Variants in SH3BP2 observed in about 807,000 individuals in gnomAD.
SH3BP2 encodes SH3 domain binding protein 2.
A neutral mutation model predicts 56.2 loss-of-function variants in SH3BP2; 38 were observed. The observed-to-expected ratio is 0.68, with a 90% CI of 0.52 to 0.89. SH3BP2 has a LOEUF of 0.89. Among genes scored for constraint, SH3BP2 ranks in the 40% least tolerant of loss-of-function variants. The probability of loss-of-function intolerance (pLI) is 0.00; values close to 1 mark genes in which losing one functional copy is unlikely to be tolerated. For missense variants in SH3BP2, 748 were observed against 762.6 expected, an observed-to-expected ratio of 0.98 and a Z score of 0.23; for synonymous variants, 346 against 316.7, an observed-to-expected ratio of 1.09 and a Z score of -0.98.
intron 2 of SH3BP2, 74 bp downstream of exon 2, chr4:2,820,827 C>T (rs1441474729): frequency 2.7e-6 from 4 of 1,458,224 alleles, no homozygotes; most frequent in Admixed American, 4.2e-5. Flanking sequence ...TAAGCATCCT[C>T]TCCAAGCCTC....
intron 1 of SH3BP2, 70 bp from the exon 2 acceptor site, chr4:2,820,544 C>G: frequency 1.9e-6 from 3 of 1,599,434 alleles, no homozygotes; most frequent in Non-Finnish European, 2.6e-6. Context: ...CAGTGTCCCC[C>G]TGAGCGCCCT....
In SH3BP2 at chr4:2,831,806, G is replaced by A; in HGVS notation, c.1351-117G>A. 1 of 1,376,160 alleles carries A rather than the reference G, an allele frequency of 7.3e-7. No individual in the cohort carries two copies. The highest frequency in any genetic ancestry group is 1.0e-6 in the Non-Finnish European group (1 of 984,174). 85.2% of individuals were successfully genotyped at this position (1,376,160 alleles called of 1,614,324 possible). ...GACCCCCCGAGAACCCGGGAGCCTAGGGGGACACAGCACCATGTAAAGCCC... is the reference window on the plus strand; with the variant it reads ...GACCCCCCGAGAACCCGGGAGCCTAAGGGGACACAGCACCATGTAAAGCCC... On this transcript the variant is annotated intron_variant, in intron 9 of 12. Coordinates refer to ENST00000503393, the MANE Select transcript of SH3BP2 (RefSeq NM_001122681.2). The surrounding 1 kb of genome is among the most constrained non-coding windows in gnomAD (Gnocchi z 4.1).
At chr4:2,832,705 C>T (rs764879771) in intron 11 of SH3BP2, among the ~76,000 whole-genome samples, 7 of 152,314 alleles carry the variant, frequency 4.6e-5, no homozygotes, top group African/African-American at 7.2e-5. Context: ...CAGGTCTGCC[C>T]GTGTCCCTCC....
At position 2,834,810 on chromosome 4, in the gene SH3BP2, G is replaced by C. The variant is rs1725173467; in HGVS notation, c.*976G>C. The C allele has an allele frequency of 6.6e-6, 1 of 152,362 alleles. No homozygotes were observed. The highest frequency in any genetic ancestry group is 2.1e-4 in the South Asian group (1 of 4,840). The allele number at this position is 152,362 out of a possible 1,614,324, so 9.4% of individuals were successfully genotyped here. A position where few individuals can be genotyped will look rare whatever the true frequency, so the allele number is the denominator to read the frequency against. ...TCACAGCCCAGTCTGGGGACAGCTG[G>C]GTATGAGGTGCTTACGGCACAGTGT... On this transcript the variant is annotated 3_prime_UTR_variant, in exon 13 of 13. Coordinates refer to ENST00000503393, the MANE Select transcript of SH3BP2 (RefSeq NM_001122681.2).
chr4:2,816,221 G>A (rs1373640055), intron 1 of SH3BP2, among the ~76,000 whole-genome samples: 1 of 151,992 alleles, frequency 6.6e-6, no homozygotes, highest in Non-Finnish European at 1.5e-5. Context: ...GGTATTTTTA[G>A]TAGAAATGGG....
At chr4:2,819,016 C>G in intron 1 of SH3BP2, 1 of 447,726 alleles carries the variant, frequency 2.2e-6, no homozygotes, top group Non-Finnish European at 3.0e-6. Flanking sequence ...TTACTGCCTC[C>G]TGGAACTCCT....
At chr4:2,828,459 G>T (rs1724797204) in intron 7 of SH3BP2, among the ~76,000 whole-genome samples, 1 of 151,994 alleles carries the variant, frequency 6.6e-6, no homozygotes, top group Non-Finnish European at 1.5e-5. Context: ...TCCCTCTGGG[G>T]TCCCAGTGCC....
rs568332811 is a variant in SH3BP2 at position 2,840,234 on chromosome 4, C to CAAAAAAAAAAAAA, written c.*6408_*6420dup. 3.3e-4 allele frequency: 27 copies of CAAAAAAAAAAAAA among 82,588 alleles called. No homozygotes were observed. The highest frequency in any genetic ancestry group is 4.0e-4 in the Admixed American group (3 of 7,492). 5.1% of individuals were successfully genotyped at this position (82,588 alleles called of 1,614,324 possible). A position where few individuals can be genotyped will look rare whatever the true frequency, so the allele number is the denominator to read the frequency against. ...AGTGAGACCCTATCTCAAAAAAAACCAAAAAAAAAAAAAAAAAAAAGAAAA... is the reference window on the plus strand; with the variant it reads ...AGTGAGACCCTATCTCAAAAAAAACCAAAAAAAAAAAAAAAAAAAAAAAAAAAAAAAAAGAAAA... On this transcript the variant is annotated 3_prime_UTR_variant, in exon 13 of 13. Transcript: ENST00000503393.
In SH3BP2 at chr4:2,793,087, G is replaced by C; in HGVS notation, c.-56G>C. Reference sequence around the variant, plus strand: ...GCGGGCGGGAGCGCCTGGCGGCCGAGTCAAGCCGCCGCCTCGACCCAGGGC... The same window carrying C: ...GCGGGCGGGAGCGCCTGGCGGCCGACTCAAGCCGCCGCCTCGACCCAGGGC... On this transcript the variant is annotated 5_prime_UTR_variant, in exon 1 of 13. Transcript: ENST00000503393. 1 of 150,736 alleles carries C rather than the reference G, an allele frequency of 6.6e-6. No individual in the cohort carries two copies. Among genetic ancestry groups the C allele is most frequent in the South Asian group, 1.9e-4 (1 of 5,364 alleles). 9.3% of individuals were successfully genotyped at this position (150,736 alleles called of 1,614,324 possible).
At chr4:2,826,266 GCT>G (rs1392383691) in intron 5 of SH3BP2, 1 of 136,468 alleles carries the variant, frequency 7.3e-6, no homozygotes, top group African/African-American at 2.5e-5. Flanking sequence ...TCCGCGTGTT[GCT>G]CTGTGTGTGT....
intron 1 of SH3BP2, chr4:2,818,195 C>G: frequency 1.0e-6 from 1 of 987,302 alleles, no homozygotes; most frequent in Non-Finnish European, 1.2e-6. Flanking sequence ...GGGGAGGAGC[C>G]GGCGGCTGCC....
At chr4:2,807,224 G>C (rs1039903936) in intron 1 of SH3BP2, among the ~76,000 whole-genome samples, 3 of 152,186 alleles carry the variant, frequency 2.0e-5, no homozygotes, top group Non-Finnish European at 2.9e-5. Flanking sequence ...CCTCAGCTGC[G>C]GCCGTGCTGC....
At chr4:2,815,150 C>T (rs1560101813) in intron 1 of SH3BP2, among the ~76,000 whole-genome samples, 2 of 152,150 alleles carry the variant, frequency 1.3e-5, no homozygotes, top group East Asian at 1.9e-4. Flanking sequence ...CCCATCATCA[C>T]CCTCAGCCTC....
rs1315942150 is a variant in SH3BP2, at chr4:2,818,668, G to A, written c.-4-1946G>A. 1.4e-5 allele frequency: 14 copies of A among 983,898 alleles called. No individual in the cohort carries two copies. In the African/African-American group the frequency reaches 2.3e-4, roughly 16 times the overall value. The allele number at this position is 983,898 out of a possible 1,614,324, so 60.9% of individuals were successfully genotyped here. A position where few individuals can be genotyped will look rare whatever the true frequency, so the allele number is the denominator to read the frequency against. ...CCCCACTGCGGGGCTCCTTCGGGCC[G>A]GGCGCGGTTGGGCGGGCGGCGGGGT... On this transcript the variant is annotated intron_variant, in intron 1 of 12. Transcript: ENST00000503393.
At chr4:2,811,525 G>A (rs1723749312) in intron 1 of SH3BP2, among the ~76,000 whole-genome samples, 1 of 152,240 alleles carries the variant, frequency 6.6e-6, no homozygotes, top group Non-Finnish European at 1.5e-5. Flanking sequence ...CCTGCTTCCG[G>A]GCTCTGGGCC....
intron 3 of SH3BP2, chr4:2,823,464 G>C: frequency 2.2e-6 from 1 of 458,464 alleles, no homozygotes; most frequent in Non-Finnish European, 4.4e-6. Flanking sequence ...CCCTGCTCCA[G>C]GGTCCTCCCA....
intron 1 of SH3BP2, chr4:2,818,930 A>G (rs941097011): frequency 1.2e-5 from 12 of 982,886 alleles, no homozygotes; most frequent in Non-Finnish European, 1.4e-5. Flanking sequence ...TTTTCTTTTT[A>G]TTTATTTTGT....
In SH3BP2 at chr4:2,824,629, G is replaced by T. The variant is rs890566926; in HGVS notation, c.256G>T (p.Glu86Ter). 2 of 1,613,764 alleles carry T rather than the reference G, an allele frequency of 1.2e-6. No homozygotes were observed. Among genetic ancestry groups the T allele is most frequent in the Non-Finnish European group, 1.7e-6 (2 of 1,179,942 alleles). ...SGYNRVMRAA[E>*]ETTSNNVFPF... ...TGCCCCCAGGGTGATGCGGGCGGCTGAGGAGACCACGTCCAACAACGTTTT... is the reference window on the plus strand; with the variant it reads ...TGCCCCCAGGGTGATGCGGGCGGCTTAGGAGACCACGTCCAACAACGTTTT... Residue 86 changes from glutamate to a stop codon, truncating the protein, a stop_gained, in exon 4 of 13, where the codon GAG becomes TAG. Coordinates refer to ENST00000503393, the MANE Select transcript of SH3BP2 (RefSeq NM_001122681.2). LOFTEE classifies it high-confidence loss of function.
At chr4:2,826,299 G>A (rs932893592) in intron 5 of SH3BP2, 1 of 56,518 alleles carries the variant, frequency 1.8e-5, no homozygotes, top group African/African-American at 2.6e-4. Context: ...GTGTTGCTCT[G>A]TGTGTGTGTG....
Sources: allele counts gnomAD v4.1 joint callset (sites outside exome capture counted in the v4.1 genomes callset), GRCh38; gene constraint gnomAD v4.1.1; non-coding constraint Gnocchi (gnomAD v3.1); transcripts MANE v1.5; gene names NCBI Gene and HGNC (gene_info 2026-07-23, HGNC 2026-07-21).